The following CLSTN2 variants were observed in gnomAD, a reference collection of about 807,000 sequenced individuals.
CLSTN2 encodes the protein calsyntenin 2, also known as calsyntenin-2.
A neutral mutation model predicts 101.2 loss-of-function variants in CLSTN2; 48 were observed. That is an observed-to-expected ratio of 0.47 (90% confidence interval 0.38 to 0.60). The LOEUF (loss-of-function observed/expected upper bound fraction) is 0.60, where lower values mean the gene tolerates loss of function less well. Among genes scored for constraint, CLSTN2 ranks in the 20% least tolerant of loss-of-function variants. The pLI is 0.00. For synonymous variants in CLSTN2, 481 were observed against 463.6 expected, an observed-to-expected ratio of 1.04 and a Z score of -0.48; for missense variants, 1,160 against 1,238.2, an observed-to-expected ratio of 0.94 and a Z score of 0.95.
intron 1 of CLSTN2, among the ~76,000 whole-genome samples, chr3:139,993,986 G>A (rs1936159448): frequency 6.6e-6 from 1 of 152,172 alleles, no homozygotes; most frequent in Non-Finnish European, 1.5e-5. Context: ...TCCGTGGCTT[G>A]CTGTTGCCTA....
chr3:140,546,371 T>C lies in CLSTN2; in HGVS notation c.1508-144T>C, dbSNP rs796201508. On this transcript the variant is annotated intron_variant, in intron 9 of 16. Coordinates refer to ENST00000458420, the MANE Select transcript of CLSTN2 (RefSeq NM_022131.3). ...TATAACTTCTTACTGAGATTCTGGC[T>C]ACTGTGTTCATCACTCAGAAGGAAA... The C allele has an allele frequency of 1.1e-5, 8 of 739,894 alleles. No individual in the cohort carries two copies. In the African/African-American group the frequency reaches 1.4e-4, roughly 13 times the overall value. The allele number at this position is 739,894 out of a possible 1,614,324, so 45.8% of individuals were successfully genotyped here.
In CLSTN2 at chr3:140,148,618, A is replaced by T. The variant is rs75098293; in HGVS notation, c.110-27333A>T. On this transcript the variant is annotated intron_variant, in intron 1 of 16. Transcript: ENST00000458420. ...TAATGTGTTTAGTGCCAAACTCCTA[A>T]AAGAAACCTATTTAGGCTGCTGCAT... is the stretch of plus-strand genomic sequence containing the variant. Among the ~76,000 whole-genome samples, 898 of 152,348 alleles carry T rather than the reference A, an allele frequency of 5.9e-3. 12 individuals are homozygous for T. The highest frequency in any genetic ancestry group is 5.2e-3 in the Non-Finnish European group (357 of 68,038).
At chr3:140,519,277 T>C (rs529633515) in intron 8 of CLSTN2, among the ~76,000 whole-genome samples, 7 of 152,240 alleles carry the variant, frequency 4.6e-5, no homozygotes, top group Non-Finnish European at 8.8e-5. Flanking sequence ...GGAAGTGCCA[T>C]GTGGCAATGA....
chr3:140,181,803 G>T (rs2010413059), intron 2 of CLSTN2, among the ~76,000 whole-genome samples: 1 of 152,168 alleles, frequency 6.6e-6, no homozygotes, highest in Non-Finnish European at 1.5e-5. Flanking sequence ...TGAAGACATT[G>T]AGGCTTTGGG....
At chr3:140,161,625 T>C (rs2010047944) in intron 1 of CLSTN2, among the ~76,000 whole-genome samples, 1 of 152,136 alleles carries the variant, frequency 6.6e-6, no homozygotes, top group African/African-American at 2.4e-5. Flanking sequence ...CTGAGTTAAA[T>C]CTAAGAAATA....
At chr3:140,149,664 G>A (rs947336137) in intron 1 of CLSTN2, among the ~76,000 whole-genome samples, 15 of 152,018 alleles carry the variant, frequency 9.9e-5, no homozygotes, top group African/African-American at 2.7e-4. Flanking sequence ...CCACCGTGTT[G>A]GCCAGGATGG....
chr3:140,370,922 C>T (rs1312127227), intron 2 of CLSTN2, among the ~76,000 whole-genome samples: 27 of 152,142 alleles, frequency 1.8e-4, no homozygotes, highest in Admixed American at 1.7e-3. Context: ...ACACATGACA[C>T]ATACCTCCAA....
intron 2 of CLSTN2, among the ~76,000 whole-genome samples, chr3:140,380,091 T>G (rs898997497): frequency 1.3e-5 from 2 of 151,914 alleles, no homozygotes; most frequent in African/African-American, 4.8e-5. Context: ...CCAGGGGAAA[T>G]TGTTGGAATA....
At chr3:140,283,978 G>C (rs1309869515) in intron 2 of CLSTN2, among the ~76,000 whole-genome samples, 2 of 152,176 alleles carry the variant, frequency 1.3e-5, no homozygotes, top group Non-Finnish European at 2.9e-5. Flanking sequence ...AGCTCCAACT[G>C]TAAAGGAGGA....
intron 2 of CLSTN2, among the ~76,000 whole-genome samples, chr3:140,374,812 A>G (rs2087898086): frequency 1.3e-5 from 2 of 152,180 alleles, no homozygotes; most frequent in South Asian, 2.1e-4. Flanking sequence ...TAAATAATAT[A>G]TATCTCAATT....
At chr3:140,295,653 A>C (rs1043435769) in intron 2 of CLSTN2, among the ~76,000 whole-genome samples, 5 of 152,292 alleles carry the variant, frequency 3.3e-5, no homozygotes, top group Non-Finnish European at 7.3e-5. Context: ...AAATATGTAA[A>C]ACAACATATA....
At chr3:140,154,401 T>TATA (rs2009915379) in intron 1 of CLSTN2, among the ~76,000 whole-genome samples, 1 of 151,948 alleles carries the variant, frequency 6.6e-6, no homozygotes, top group Non-Finnish European at 1.5e-5. Flanking sequence ...TAGGAGTGGG[T>TATA]ATAATAAACC....
chr3:140,179,385 G>C (rs1303882773), intron 2 of CLSTN2, among the ~76,000 whole-genome samples: 1 of 150,514 alleles, frequency 6.6e-6, no homozygotes, highest in African/African-American at 2.4e-5. Context: ...GGGAGGCTGA[G>C]GAGGGGAGGA....
intron 1 of CLSTN2, among the ~76,000 whole-genome samples, chr3:139,942,421 G>A (rs1023454460): frequency 6.6e-6 from 1 of 152,042 alleles, no homozygotes; most frequent in Non-Finnish European, 1.5e-5. Context: ...CCTTTGTACC[G>A]ACAGTTCTCC....
At chr3:140,198,100 C>T (rs570382322) in intron 2 of CLSTN2, among the ~76,000 whole-genome samples, 1 of 152,276 alleles carries the variant, frequency 6.6e-6, no homozygotes, top group East Asian at 1.9e-4. Flanking sequence ...TACATATAGA[C>T]ACTTCACATA....
At chr3:140,485,568 G>A (rs1386457324) in intron 8 of CLSTN2, among the ~76,000 whole-genome samples, 1 of 152,152 alleles carries the variant, frequency 6.6e-6, no homozygotes, top group Non-Finnish European at 1.5e-5. Context: ...AGTCTACAGT[G>A]GCAGGCAGGC....
intron 2 of CLSTN2, among the ~76,000 whole-genome samples, chr3:140,222,514 T>C (rs1333810668): frequency 6.6e-6 from 1 of 152,190 alleles, no homozygotes; most frequent in East Asian, 1.9e-4. Flanking sequence ...GCTTGAGGAA[T>C]TGACATCCCA....
At chr3:140,301,340 T>C (rs2107909881) in intron 2 of CLSTN2, among the ~76,000 whole-genome samples, 2 of 152,328 alleles carry the variant, frequency 1.3e-5, no homozygotes, top group South Asian at 4.1e-4. Flanking sequence ...TATTACGTGG[T>C]AACATAAATT....
intron 2 of CLSTN2, among the ~76,000 whole-genome samples, chr3:140,205,624 C>CCCCG (rs751826679): frequency 0.019 from 2,033 of 108,318 alleles, 268 homozygotes; most frequent in Non-Finnish European, 0.031. Context: ...ACCCGCCCCC[C>CCCCG]ACCCACACAC....
Sources: allele counts gnomAD v4.1 joint callset (sites outside exome capture counted in the v4.1 genomes callset), GRCh38; gene constraint gnomAD v4.1.1; transcripts MANE v1.5; gene names NCBI Gene and HGNC (gene_info 2026-07-23, HGNC 2026-07-21).